The following SBF2 variants were observed in gnomAD, a reference collection of about 807,000 sequenced individuals.
SBF2 encodes the protein myotubularin-related protein 13.
A neutral mutation model predicts 225.2 loss-of-function variants in SBF2; 112 were observed. That is an observed-to-expected ratio of 0.50 (90% CI 0.43 to 0.58). SBF2 has a LOEUF of 0.58. Ranked by LOEUF, SBF2 falls within the 20% of genes least tolerant of loss-of-function variation. The pLI, the probability that SBF2 is intolerant of heterozygous loss-of-function variation, is 0.00. For synonymous variants in SBF2, 763 were observed against 773.3 expected (o/e 0.99, Z 0.22); for missense variants, 1,996 against 2,206.2 (o/e 0.90, Z 1.91).
chr11:10,226,695 T>G (rs900577715), intron 1 of SBF2, among the ~76,000 whole-genome samples: 2 of 152,252 alleles, frequency 1.3e-5, no homozygotes, highest in African/African-American at 4.8e-5. Flanking sequence ...TTCCATGGTG[T>G]ATATGTGTCA....
intron 1 of SBF2, among the ~76,000 whole-genome samples, chr11:10,234,945 G>A (rs1959005415): frequency 1.3e-5 from 2 of 152,162 alleles, no homozygotes; most frequent in Admixed American, 1.3e-4. Context: ...ACATCAATTT[G>A]TTAAAATTTC....
chr11:10,166,443 G>C (rs2028575), intron 2 of SBF2, among the ~76,000 whole-genome samples: 14,636 of 152,062 alleles, frequency 0.096, 966 homozygotes, highest in East Asian at 0.29. Context: ...ACTGTCAAGC[G>C]GGGGTGGGCA....
chr11:10,262,376 G>A (rs946629176), intron 1 of SBF2, among the ~76,000 whole-genome samples: 1 of 151,926 alleles, frequency 6.6e-6, no homozygotes, highest in African/African-American at 2.4e-5. Context: ...TGTTGTAGAG[G>A]AAAAAAAGCC....
intron 27 of SBF2, among the ~76,000 whole-genome samples, chr11:9,830,611 G>A (rs1855330006): frequency 1.3e-5 from 2 of 151,548 alleles, no homozygotes; most frequent in African/African-American, 2.4e-5. Flanking sequence ...GTAGTGGCGG[G>A]CGCCTGTAAT....
chr11:10,265,743 T>C lies in SBF2; in HGVS notation c.55+28272A>G, dbSNP rs200278061. 7.9e-5 allele frequency among the ~76,000 whole-genome samples: 12 copies of C among 152,224 alleles called. No homozygotes were observed. The East Asian group carries it at 1.9e-3, about 25-fold the overall frequency. On this transcript the variant is annotated intron_variant, in intron 1 of 39. Coordinates refer to ENST00000256190, the MANE Select transcript of SBF2 (RefSeq NM_030962.4). ...TCTGTTACCCAGGTTGGAGTACAAG[T>C]GGTGCAATCATGGCTCACCACAGCC...
At chr11:9,867,428 T>C (rs1400762779) in intron 17 of SBF2, among the ~76,000 whole-genome samples, 1 of 152,192 alleles carries the variant, frequency 6.6e-6, no homozygotes, top group African/African-American at 2.4e-5. Context: ...AGAATGCTTG[T>C]ACACTGCTGA....
intron 4 of SBF2, 42 bp downstream of exon 4, chr11:10,031,006 C>A: frequency 6.5e-7 from 1 of 1,536,774 alleles, no homozygotes; most frequent in Non-Finnish European, 9.0e-7. Context: ...AAGAGACTCA[C>A]ACAATAATAC....
At chr11:10,199,226 G>C (rs1957489747) in intron 1 of SBF2, among the ~76,000 whole-genome samples, 1 of 152,166 alleles carries the variant, frequency 6.6e-6, no homozygotes, top group Non-Finnish European at 1.5e-5. Flanking sequence ...AGGAGAGGGA[G>C]AGAGATGATG....
intron 16 of SBF2, chr11:9,959,235 T>C (rs955844611): frequency 1.4e-5 from 11 of 776,474 alleles, no homozygotes; most frequent in Non-Finnish European, 1.9e-5. Context: ...CATTAGTCCC[T>C]GCAATCTTGA....
At chr11:9,983,680 A>G (rs1424185590) in intron 13 of SBF2, among the ~76,000 whole-genome samples, 1 of 151,904 alleles carries the variant, frequency 6.6e-6, no homozygotes, top group Non-Finnish European at 1.5e-5. Flanking sequence ...AGCTCACTGC[A>G]CCCTCCGCCA....
Position 9,856,625 on chromosome 11 carries a change from C to T in SBF2, c.2196G>A (p.Gln732=). 4 of 1,614,172 alleles carry T rather than the reference C, an allele frequency of 2.5e-6. No individual in the cohort carries two copies. Among genetic ancestry groups the T allele is most frequent in the Non-Finnish European group, 3.4e-6 (4 of 1,180,030 alleles). ...TTTCCTCATGTTGCACTAGCTCTTG[C>T]TGAGTTGACTTGCTCAGGGTAGGCC... The part of the protein sequence containing the change: ...RLWPTLSKST[Q]QELVQHEEST... The change falls in exon 19 of 40, where the codon CAG becomes CAA. Residue 732 remains glutamine (Q), a synonymous_variant. Transcript: ENST00000256190.
chr11:10,057,792 T>A (rs547281492), intron 2 of SBF2, among the ~76,000 whole-genome samples: 139 of 152,126 alleles, frequency 9.1e-4, no homozygotes, highest in Non-Finnish European at 1.4e-3. Flanking sequence ...TGGCTACAAC[T>A]GTGAGGAAAC....
At chr11:9,888,205 T>C (rs1678335058) in intron 17 of SBF2, among the ~76,000 whole-genome samples, 1 of 152,110 alleles carries the variant, frequency 6.6e-6, no homozygotes, top group Admixed American at 6.6e-5. Context: ...CTATTAGAAA[T>C]ACGTGAAAAT....
intron 34 of SBF2, among the ~76,000 whole-genome samples, chr11:9,789,818 G>A (rs1852626544): frequency 6.6e-6 from 1 of 152,198 alleles, no homozygotes; most frequent in East Asian, 1.9e-4. Flanking sequence ...ACTGACTTAG[G>A]AGACTGACTT....
intron 16 of SBF2, among the ~76,000 whole-genome samples, chr11:9,948,349 T>C (rs148820336): frequency 5.9e-5 from 9 of 152,194 alleles, no homozygotes; most frequent in Non-Finnish European, 1.2e-4. Context: ...GTGGTGACAT[T>C]TGCACAACAA....
chr11:10,008,420 A>C (rs958101511), intron 6 of SBF2, among the ~76,000 whole-genome samples: 2 of 152,216 alleles, frequency 1.3e-5, no homozygotes, highest in African/African-American at 4.8e-5. Flanking sequence ...CAATACCCCT[A>C]TGCCTGATGT....
At chr11:10,190,513 G>T (rs1489832588) in intron 2 of SBF2, among the ~76,000 whole-genome samples, 1 of 152,050 alleles carries the variant, frequency 6.6e-6, no homozygotes, top group Non-Finnish European at 1.5e-5. Context: ...AAAATAGAAG[G>T]CAATTTCTTT....
intron 16 of SBF2, among the ~76,000 whole-genome samples, chr11:9,907,037 G>C (rs921118855): frequency 2.0e-5 from 3 of 152,182 alleles, no homozygotes; most frequent in Non-Finnish European, 4.4e-5. Context: ...ATGTGTTACA[G>C]AACTGACTTT....
intron 2 of SBF2, among the ~76,000 whole-genome samples, chr11:10,150,250 A>T (rs1302964809): frequency 6.6e-6 from 1 of 152,216 alleles, no homozygotes; most frequent in Non-Finnish European, 1.5e-5. Context: ...TCTAGTATAT[A>T]AAGTATAATT....
Sources: allele counts gnomAD v4.1 joint callset (sites outside exome capture counted in the v4.1 genomes callset), GRCh38; gene constraint gnomAD v4.1.1; transcripts MANE v1.5; gene names NCBI Gene and HGNC (gene_info 2026-07-23, HGNC 2026-07-21).